STX18: variants seen among roughly 807,000 people sequenced by gnomAD.
STX18 encodes the protein syntaxin 18.
A neutral mutation model predicts 50.1 loss-of-function variants in STX18; 40 were observed. The ratio of observed to expected loss-of-function variants is 0.80; its 90% CI spans 0.62 to 1.04. STX18 has a LOEUF of 1.04. Ranked by LOEUF, STX18 falls within the 50% of genes least tolerant of loss-of-function variation. The pLI is 0.00. For missense variants in STX18, 410 were observed against 415.8 expected (o/e 0.99, Z 0.12); for synonymous variants, 158 against 151.8 (o/e 1.04, Z -0.30).
rs1036510662 is a variant in STX18, at chr4:4,420,871, A to G, written c.905T>C (p.Ile302Thr). Residue 302 changes from isoleucine (I) to threonine (T), a missense_variant, in exon 10 of 11, where the codon ATA becomes ACA. Transcript: ENST00000306200. The surrounding 1 kb of genome is among the most constrained non-coding windows in gnomAD (Gnocchi z 4.3). ...TENIKEGNED[I>T]REAIKNNAGF... ...AACCTAAACAGTGCCTACCTCTCTTATGTCTTCGTTGCCTTCCTTGATATT... is the reference window on the plus strand; with the variant it reads ...AACCTAAACAGTGCCTACCTCTCTTGTGTCTTCGTTGCCTTCCTTGATATT... 1 of 1,614,060 alleles carries G rather than the reference A, an allele frequency of 6.2e-7. No homozygotes were observed. The highest frequency in any genetic ancestry group is 8.5e-7 in the Non-Finnish European group (1 of 1,179,996).
At chr4:4,472,215 T>C (rs1055129093) in intron 1 of STX18, among the ~76,000 whole-genome samples, 4 of 152,142 alleles carry the variant, frequency 2.6e-5, no homozygotes, top group Non-Finnish European at 5.9e-5. Flanking sequence ...GCTATTTCCA[T>C]GGATGAAGAA....
At chr4:4,495,563 CTTTTTTTT>C (rs35298335) in intron 1 of STX18, among the ~76,000 whole-genome samples, 2 of 129,996 alleles carry the variant, frequency 1.5e-5, no homozygotes, top group South Asian at 2.4e-4. Flanking sequence ...TTTTTCTTTT[CTTTTTTTT>C]TTTTTTTTTT....
intron 5 of STX18, among the ~76,000 whole-genome samples, chr4:4,449,578 C>T (rs916622877): frequency 2.6e-5 from 4 of 152,148 alleles, no homozygotes; most frequent in Non-Finnish European, 4.4e-5. Context: ...TCAAGTCATG[C>T]TTCTTTGGCA....
chr4:4,518,884 G>A (rs1198617970), intron 1 of STX18, among the ~76,000 whole-genome samples: 1 of 152,096 alleles, frequency 6.6e-6, no homozygotes, highest in Non-Finnish European at 1.5e-5. Flanking sequence ...CTGACTATAA[G>A]AAACAAAAGA....
chr4:4,508,731 C>T (rs920338369), intron 1 of STX18, among the ~76,000 whole-genome samples: 2 of 152,062 alleles, frequency 1.3e-5, no homozygotes, highest in Non-Finnish European at 1.5e-5. Context: ...TTCGACAGTC[C>T]CCAGTGAGTG....
chr4:4,462,624 G>A (rs866431874), intron 2 of STX18, among the ~76,000 whole-genome samples: 1 of 152,014 alleles, frequency 6.6e-6, no homozygotes, highest in African/African-American at 2.4e-5. Flanking sequence ...CTACTCAGGA[G>A]GCTGAGGCAG....
In STX18 at chr4:4,459,472, T is replaced by C. The variant is rs749811643; in HGVS notation, c.252A>G (p.Glu84=). Residue 84 remains glutamate, a synonymous_variant, in exon 3 of 11, where the codon GAA becomes GAG. Transcript: ENST00000306200. ...YINAYSHTMS[E]YGRMTDTERD... is the part of the protein sequence containing the mutation. Reference sequence around the variant, plus strand: ...GTTCTGTGTCTGTCATCCTCCCATATTCAGACATGGTATGGCTAAAAAAAG... The same window carrying C: ...GTTCTGTGTCTGTCATCCTCCCATACTCAGACATGGTATGGCTAAAAAAAG... The C allele has an allele frequency of 4.3e-6, 7 of 1,613,302 alleles. No homozygotes were observed. Among genetic ancestry groups the C allele is most frequent in the Non-Finnish European group, 5.9e-6 (7 of 1,179,316 alleles).
intron 5 of STX18, among the ~76,000 whole-genome samples, chr4:4,439,980 C>T (rs1726022118): frequency 6.6e-6 from 1 of 152,230 alleles, no homozygotes; most frequent in Admixed American, 6.5e-5. Context: ...GTCAGCCTTG[C>T]TCCTAGATCC....
In STX18 at chr4:4,449,290, TCC is replaced by T. The variant is rs1376466302; in HGVS notation, c.497+7899_497+7900del. ...TTAAACTCCTGGCCTCAAGCAATCCTCCCTCCCACCTCGGCCTCCCAAAGTGC... is the reference window on the plus strand; with the variant it reads ...TTAAACTCCTGGCCTCAAGCAATCCTCTCCCACCTCGGCCTCCCAAAGTGC... On this transcript the variant is annotated intron_variant, in intron 5 of 10. Transcript: ENST00000306200. Among the ~76,000 whole-genome samples the T allele has an allele frequency of 7.1e-5, 5 of 69,962 alleles. No individual in the cohort carries two copies. The African/African-American group carries it at 2.0e-3, about 28-fold the overall frequency. 45.9% of individuals were successfully genotyped at this position (69,962 alleles called of 152,430 possible).
chr4:4,514,764 C>T (rs6446657), intron 1 of STX18, among the ~76,000 whole-genome samples: 38 of 151,920 alleles, frequency 2.5e-4, no homozygotes, highest in African/African-American at 9.2e-4. Flanking sequence ...CTAGGAGGGG[C>T]CTCTGGTCTG....
intron 1 of STX18, among the ~76,000 whole-genome samples, chr4:4,506,370 T>C (rs189197423): frequency 1.5e-3 from 223 of 152,378 alleles, no homozygotes; most frequent in African/African-American, 5.2e-3. Context: ...GAAGGAACTA[T>C]TGATACACAC....
At chr4:4,469,924 T>C (rs1727828060) in intron 2 of STX18, among the ~76,000 whole-genome samples, 1 of 152,182 alleles carries the variant, frequency 6.6e-6, no homozygotes, top group African/African-American at 2.4e-5. Flanking sequence ...CGATGGGGCC[T>C]TCCTGACTAC....
chr4:4,486,794 T>C (rs1728719977), intron 1 of STX18, among the ~76,000 whole-genome samples: 1 of 152,240 alleles, frequency 6.6e-6, no homozygotes, highest in Non-Finnish European at 1.5e-5. Context: ...ATATCAACTC[T>C]ATCTTTAAAA....
intron 1 of STX18, among the ~76,000 whole-genome samples, chr4:4,495,783 T>C (rs1729142535): frequency 6.6e-6 from 1 of 152,192 alleles, no homozygotes; most frequent in South Asian, 2.1e-4. Flanking sequence ...AAATTCATTT[T>C]TAGGCAAATG....
Position 4,437,629 on chromosome 4 carries a change from G to C in STX18, c.613+765C>G, listed in dbSNP as rs559338717. ...ACCATGCCTAGCATCTGGAAGACAA[G>C]AGTTAATAAGAACTGCCATGAGACT... On this transcript the variant is annotated intron_variant, in intron 6 of 10. Transcript: ENST00000306200. The C allele has an allele frequency of 2.8e-3, 2,723 of 985,312 alleles. 4 individuals are homozygous for C. The highest frequency in any genetic ancestry group is 3.0e-3 in the Non-Finnish European group (2,502 of 829,808). 61.0% of individuals were successfully genotyped at this position (985,312 alleles called of 1,614,324 possible). A position where few individuals can be genotyped will look rare whatever the true frequency, so the allele number is the denominator to read the frequency against.
Position 4,438,952 on chromosome 4 carries a change from CACAT to C in STX18, c.498-447_498-444del, listed in dbSNP as rs1279237111. 4.7e-5 allele frequency among the ~76,000 whole-genome samples: 7 copies of C among 149,244 alleles called. No individual in the cohort carries two copies. In the East Asian group the frequency reaches 5.9e-4, roughly 13 times the overall value. On this transcript the variant is annotated intron_variant, in intron 5 of 10. Transcript: ENST00000306200. ...TCATATATATATATATACCCCCACACACATATATACCCCCAACACATGTATACCC... is the reference window on the plus strand; with the variant it reads ...TCATATATATATATATACCCCCACACATATACCCCCAACACATGTATACCC...
intron 5 of STX18, among the ~76,000 whole-genome samples, chr4:4,441,583 TACGTA>T: frequency 6.6e-6 from 1 of 152,008 alleles, no homozygotes; most frequent in East Asian, 1.9e-4. Context: ...CCAAAGCCCA[TACGTA>T]AAAAACCAAA....
chr4:4,487,629 T>A (rs1253247220), intron 1 of STX18, among the ~76,000 whole-genome samples: 3 of 152,162 alleles, frequency 2.0e-5, no homozygotes, highest in African/African-American at 7.2e-5. Flanking sequence ...CAAAGAGGTG[T>A]TACCTGCAGC....
At chr4:4,531,152 T>TACAC (rs142048912) in intron 1 of STX18, among the ~76,000 whole-genome samples, 489 of 149,666 alleles carry the variant, frequency 3.3e-3, no homozygotes, top group Middle Eastern at 0.032. Context: ...GGATAAAATT[T>TACAC]ACACACACAC....
Sources: allele counts gnomAD v4.1 joint callset (sites outside exome capture counted in the v4.1 genomes callset), GRCh38; gene constraint gnomAD v4.1.1; non-coding constraint Gnocchi (gnomAD v3.1); transcripts MANE v1.5; gene names NCBI Gene and HGNC (gene_info 2026-07-23, HGNC 2026-07-21).